Variants in CREB1 observed in about 807,000 individuals in gnomAD.
CREB1 encodes cAMP responsive element binding protein 1, also known as cyclic AMP-responsive element-binding protein 1.
A neutral mutation model predicts 42.0 loss-of-function variants in CREB1; 2 were observed. That is an observed-to-expected ratio of 0.05 (90% CI 0.02 to 0.15). CREB1 has a LOEUF of 0.15. Ranked by LOEUF, CREB1 falls within the 10% of genes least tolerant of loss-of-function variation. The pLI is 1.00. For synonymous variants in CREB1, 123 were observed against 139.9 expected (o/e 0.88, Z 0.85); for missense variants, 199 against 388.9 (o/e 0.51, Z 4.11).
chr2:207,603,869 A>G lies in CREB1; in HGVS notation c.*6811A>G, dbSNP rs941814964. ...TGTAAGAATAAAAAAGTTATCTCCT[A>G]TACTATTAACTTCTGAAATAAGTTC... On this transcript the variant is annotated 3_prime_UTR_variant, in exon 8 of 8. Coordinates refer to ENST00000353267, the MANE Select transcript of CREB1 (RefSeq NM_004379.5). Among the ~76,000 whole-genome samples the G allele has an allele frequency of 3.3e-5, 5 of 152,198 alleles. No individual in the cohort carries two copies. Among genetic ancestry groups the G allele is most frequent in the African/African-American group, 1.2e-4 (5 of 41,456 alleles).
intron 4 of CREB1, among the ~76,000 whole-genome samples, chr2:207,568,819 A>G (rs2082240168): frequency 6.6e-6 from 1 of 151,982 alleles, no homozygotes; most frequent in South Asian, 2.1e-4. Flanking sequence ...GAGTTTCTCC[A>G]CCCATCCTTG....
Position 207,600,700 on chromosome 2 carries a change from G to T in CREB1, c.*3642G>T, listed in dbSNP as rs1301039771. ...GTGTTTTGATGGTAGGTCAGCAGCA[G>T]TGCTAGTCTCTGAAAGCACAATACC... On this transcript the variant is annotated 3_prime_UTR_variant, in exon 8 of 8. Transcript: ENST00000353267. The T allele has an allele frequency of 9.5e-6, 2 of 211,502 alleles. No homozygotes were observed. Among genetic ancestry groups the T allele is most frequent in the African/African-American group, 4.5e-5 (2 of 44,094 alleles). 13.1% of individuals were successfully genotyped at this position (211,502 alleles called of 1,614,324 possible). A position where few individuals can be genotyped will look rare whatever the true frequency, so the allele number is the denominator to read the frequency against.
At chr2:207,538,607 T>C (rs183740463) in intron 1 of CREB1, among the ~76,000 whole-genome samples, 16 of 152,234 alleles carry the variant, frequency 1.1e-4, no homozygotes, top group Admixed American at 9.8e-4. Context: ...GAGGATGAGG[T>C]CTAAGGAATT....
At chr2:207,540,376 C>T (rs1381761210) in intron 1 of CREB1, among the ~76,000 whole-genome samples, 1 of 151,880 alleles carries the variant, frequency 6.6e-6, no homozygotes, top group Non-Finnish European at 1.5e-5. Context: ...AATGGTGGCT[C>T]ACGCCTGTAA....
chr2:207,594,062 C>CT (rs1419240551), intron 7 of CREB1, among the ~76,000 whole-genome samples: 2 of 152,198 alleles, frequency 1.3e-5, no homozygotes, highest in South Asian at 2.1e-4. Context: ...TTACCATGTC[C>CT]TTTTTTACAG....
At chr2:207,572,777 C>T (rs1314182017) in intron 5 of CREB1, among the ~76,000 whole-genome samples, 1 of 151,348 alleles carries the variant, frequency 6.6e-6, no homozygotes, top group Non-Finnish European at 1.5e-5. Flanking sequence ...GATAGCGCCA[C>T]TGCATTCCAG....
intron 1 of CREB1, among the ~76,000 whole-genome samples, chr2:207,554,209 A>G (rs535431451): frequency 7.1e-4 from 108 of 152,300 alleles, no homozygotes; most frequent in Admixed American, 2.2e-3. Context: ...TTTCCAAACT[A>G]TATTCATTTC....
chr2:207,571,826 A>T (rs1442934604), intron 5 of CREB1: 1 of 419,606 alleles, frequency 2.4e-6, no homozygotes, highest in African/African-American at 2.1e-5. Context: ...TTTAGGAAAG[A>T]GGCCTATCAG....
chr2:207,574,045 G>A (rs945522266), intron 5 of CREB1, among the ~76,000 whole-genome samples: 1 of 152,206 alleles, frequency 6.6e-6, no homozygotes, highest in Non-Finnish European at 1.5e-5. Flanking sequence ...TAGATCCAGT[G>A]TATATGCCAG....
chr2:207,566,984 T>C (rs2082163465), intron 3 of CREB1, among the ~76,000 whole-genome samples: 1 of 152,060 alleles, frequency 6.6e-6, no homozygotes, highest in Non-Finnish European at 1.5e-5. Context: ...CCTAACTTGC[T>C]AGGAACAACT....
chr2:207,600,792 C>A lies in CREB1; in HGVS notation c.*3734C>A, dbSNP rs775181755. On this transcript the variant is annotated 3_prime_UTR_variant, in exon 8 of 8. Coordinates refer to ENST00000353267, the MANE Select transcript of CREB1 (RefSeq NM_004379.5). ...TTATCTCTGTCTCTCAGGATAAATC[C>A]CTGTAGGACAAATCCCTACTATCAT... The A allele has an allele frequency of 3.3e-5, 7 of 209,610 alleles. No homozygotes were observed. Among genetic ancestry groups the A allele is most frequent in the Non-Finnish European group, 6.8e-5 (7 of 103,218 alleles). 13.0% of individuals were successfully genotyped at this position (209,610 alleles called of 1,614,324 possible).
chr2:207,566,798 A>G (rs967176121), intron 3 of CREB1, among the ~76,000 whole-genome samples: 3 of 152,224 alleles, frequency 2.0e-5, no homozygotes, highest in African/African-American at 7.2e-5. Flanking sequence ...CACCTGGCAC[A>G]TAGGCATCTG....
chr2:207,593,501 G>C (rs1355687502), intron 7 of CREB1, among the ~76,000 whole-genome samples: 1 of 152,166 alleles, frequency 6.6e-6, no homozygotes, highest in African/African-American at 2.4e-5. Context: ...CTGCACTCCA[G>C]CCTGGGCAGC....
chr2:207,590,083 G>GT (rs59126515), intron 7 of CREB1, among the ~76,000 whole-genome samples: 45,081 of 75,458 alleles, frequency 0.6, 12,607 homozygotes, highest in East Asian at 0.77. Context: ...ATTTTGAGAA[G>GT]TTTTTTTTTT....
Position 207,599,645 on chromosome 2 carries a change from T to TG in CREB1, c.*2588dup, listed in dbSNP as rs1365349646. 1 of 200,654 alleles carries TG rather than the reference T, an allele frequency of 5.0e-6. No homozygotes were observed. Among genetic ancestry groups the TG allele is most frequent in the Non-Finnish European group, 1.0e-5 (1 of 97,324 alleles). 12.4% of individuals were successfully genotyped at this position (200,654 alleles called of 1,614,324 possible). The stretch of plus-strand genomic sequence containing the variant: ...TCTGTCTTAGACCCTTGGTGAAACT[T>TG]GAAGATTTCAGTTTATAAAGATAAA... On this transcript the variant is annotated 3_prime_UTR_variant, in exon 8 of 8. Transcript: ENST00000353267.
At chr2:207,532,195 A>G (rs948847488) in intron 1 of CREB1, among the ~76,000 whole-genome samples, 1 of 151,930 alleles carries the variant, frequency 6.6e-6, no homozygotes, top group African/African-American at 2.4e-5. Context: ...TCTCTACTAA[A>G]AATACAAAAA....
Position 207,605,337 on chromosome 2 carries a change from T to C in CREB1, c.*8279T>C, listed in dbSNP as rs1454358381. 6.6e-6 allele frequency among the ~76,000 whole-genome samples: 1 copy of C among 152,218 alleles called. No homozygotes were observed. Among genetic ancestry groups the C allele is most frequent in the Non-Finnish European group, 1.5e-5 (1 of 68,036 alleles). On this transcript the variant is annotated 3_prime_UTR_variant, in exon 8 of 8. Transcript: ENST00000353267. Reference sequence around the variant, plus strand: ...ATGATGTGGAGCATCTTTTGTTGTCTTTGGCCATCTGCGTATCTTCTTTGA... The same window carrying C: ...ATGATGTGGAGCATCTTTTGTTGTCCTTGGCCATCTGCGTATCTTCTTTGA...
chr2:207,555,913 A>G (rs1324272050), intron 2 of CREB1, among the ~76,000 whole-genome samples, 164 bp downstream of exon 2: 1 of 152,224 alleles, frequency 6.6e-6, no homozygotes, highest in Non-Finnish European at 1.5e-5. Flanking sequence ...TAGAAATGAT[A>G]GTATTAATTC....
intron 3 of CREB1, among the ~76,000 whole-genome samples, chr2:207,562,680 GTTATC>G (rs1485439657): frequency 1.3e-5 from 2 of 152,064 alleles, no homozygotes; most frequent in South Asian, 2.1e-4. Context: ...TATTTTAATA[GTTATC>G]TTAGCCAGTT....
Sources: allele counts gnomAD v4.1 joint callset (sites outside exome capture counted in the v4.1 genomes callset), GRCh38; gene constraint gnomAD v4.1.1; transcripts MANE v1.5; gene names NCBI Gene and HGNC (gene_info 2026-07-23, HGNC 2026-07-21).